TMPRSS12: variants seen among roughly 807,000 people sequenced by gnomAD.
TMPRSS12 encodes transmembrane protease serine 12.
In TMPRSS12, 25 loss-of-function variants were observed where a neutral mutation model predicts 26.0. The ratio of observed to expected loss-of-function variants is 0.96; its 90% CI spans 0.70 to 1.34. The LOEUF is 1.34. Among genes scored for constraint, TMPRSS12 ranks in the 40% most tolerant of loss-of-function variants. The pLI is 0.00. For synonymous variants in TMPRSS12, 150 were observed against 161.7 expected (o/e 0.93, Z 0.55); for missense variants, 441 against 440.1 (o/e 1.00, Z -0.02).
intron 2 of TMPRSS12, among the ~76,000 whole-genome samples, chr12:50,853,902 A>G (rs1206668123): frequency 6.6e-6 from 1 of 152,128 alleles, no homozygotes; most frequent in Non-Finnish European, 1.5e-5. Flanking sequence ...CAGGTGTATA[A>G]AAGAGGTGGT....
At chr12:50,846,145 T>G (rs1937764514) in intron 2 of TMPRSS12, among the ~76,000 whole-genome samples, 1 of 152,228 alleles carries the variant, frequency 6.6e-6, no homozygotes, top group African/African-American at 2.4e-5. Flanking sequence ...TTTGATGAAG[T>G]CAAATTTATC....
intron 3 of TMPRSS12, 50 bp downstream of exon 3, chr12:50,859,103 G>A (rs1254455747): frequency 1.4e-6 from 2 of 1,479,704 alleles, no homozygotes; most frequent in Admixed American, 2.7e-5. Flanking sequence ...ATTATGGGCA[G>A]AGGAAGGTCA....
intron 3 of TMPRSS12, among the ~76,000 whole-genome samples, chr12:50,871,927 T>TTA (rs1555206360): frequency 6.8e-6 from 1 of 146,856 alleles, no homozygotes; most frequent in African/African-American, 2.5e-5. Context: ...ATCAAAAAAT[T>TTA]AAAAAAAAAA....
chr12:50,869,539 G>A (rs1262985281), intron 3 of TMPRSS12, among the ~76,000 whole-genome samples: 1 of 152,150 alleles, frequency 6.6e-6, no homozygotes, highest in Non-Finnish European at 1.5e-5. Flanking sequence ...TCCAGGATCA[G>A]ATGGATTCAT....
chr12:50,856,097 C>A (rs544820785), intron 2 of TMPRSS12, among the ~76,000 whole-genome samples: 1 of 152,312 alleles, frequency 6.6e-6, no homozygotes, highest in African/African-American at 2.4e-5. Context: ...CTATTGGGTA[C>A]TATGCTCATT....
chr12:50,878,034 A>G (rs895423310), intron 3 of TMPRSS12, among the ~76,000 whole-genome samples: 3 of 152,158 alleles, frequency 2.0e-5, no homozygotes, highest in African/African-American at 7.2e-5. Context: ...CTAAATGGAG[A>G]CTCATACTGC....
chr12:50,865,054 G>A (rs956012433), intron 3 of TMPRSS12, among the ~76,000 whole-genome samples: 4 of 152,282 alleles, frequency 2.6e-5, no homozygotes, highest in African/African-American at 9.6e-5. Flanking sequence ...TGGATAGGCT[G>A]GGTGCGGTGG....
At chr12:50,864,128 C>T (rs899933637) in intron 3 of TMPRSS12, among the ~76,000 whole-genome samples, 2 of 152,104 alleles carry the variant, frequency 1.3e-5, no homozygotes, top group African/African-American at 4.8e-5. Context: ...ACTATAAATA[C>T]CACTCACACG....
At chr12:50,876,376 C>T (rs1390887585) in intron 3 of TMPRSS12, among the ~76,000 whole-genome samples, 1 of 152,152 alleles carries the variant, frequency 6.6e-6, no homozygotes, top group African/African-American at 2.4e-5. Flanking sequence ...ACCGCTGCAC[C>T]CAGCAATCCT....
chr12:50,858,877 T>C lies in TMPRSS12; in HGVS notation c.476T>C (p.Ile159Thr). 1 of 1,596,936 alleles carries C rather than the reference T, an allele frequency of 6.3e-7. No homozygotes were observed. Among genetic ancestry groups the C allele is most frequent in the Non-Finnish European group, 8.5e-7 (1 of 1,170,590 alleles). The change falls in exon 3 of 5, where the codon ATT (isoleucine) becomes ACT (threonine). Residue 159 changes from isoleucine (I) to threonine (T), a missense_variant. Ile to Thr is a moderately conservative substitution (Grantham distance 89). Transcript: ENST00000398458. ...AAGATAAAAATTAAAGCAATCATTA[T>C]TCATCCAAACTTCATTTTGGAATCT... ...TKKIKIKAII[I>T]HPNFILESYV...
At chr12:50,884,759 C>T (rs1938206512) in intron 3 of TMPRSS12, among the ~76,000 whole-genome samples, 1 of 151,920 alleles carries the variant, frequency 6.6e-6, no homozygotes, top group Non-Finnish European at 1.5e-5. Context: ...GTAATCCCAG[C>T]TACTCAGGAG....
intron 3 of TMPRSS12, among the ~76,000 whole-genome samples, chr12:50,863,422 A>G (rs1036219614): frequency 2.0e-5 from 3 of 152,216 alleles, no homozygotes. Context: ...TTGTACCCCT[A>G]GATATTTATC....
intron 3 of TMPRSS12, among the ~76,000 whole-genome samples, chr12:50,862,104 C>T (rs149094557): frequency 7.6e-4 from 115 of 152,212 alleles, no homozygotes; most frequent in African/African-American, 2.6e-3. Context: ...CAGGTGCACC[C>T]GGCCTAATAT....
At chr12:50,873,391 C>G (rs1267194742) in intron 3 of TMPRSS12, among the ~76,000 whole-genome samples, 1 of 151,932 alleles carries the variant, frequency 6.6e-6, no homozygotes, top group Non-Finnish European at 1.5e-5. Flanking sequence ...CTTCAAAATG[C>G]TGAGAGAAAG....
rs869152225 is a variant in TMPRSS12, at chr12:50,880,966, CTTTTTTTTTTTTTTT to C, written c.653-4261_653-4247del. Among the ~76,000 whole-genome samples, 22 of 61,798 alleles carry C rather than the reference CTTTTTTTTTTTTTTT, an allele frequency of 3.6e-4. 1 individual carries two copies. Among genetic ancestry groups the C allele is most frequent in the South Asian group, 1.8e-3 (2 of 1,104 alleles). The allele number at this position is 61,798 out of a possible 152,430, so 40.5% of individuals were successfully genotyped here. ...CTATAGAGACAGGAATCAGTAATTTCTTTTTTTTTTTTTTTTTTTTTTTTTTTTTTTTTGAGACAG... is the reference window on the plus strand; with the variant it reads ...CTATAGAGACAGGAATCAGTAATTTCTTTTTTTTTTTTTTTTTTGAGACAG... On this transcript the variant is annotated intron_variant, in intron 3 of 4. Coordinates refer to ENST00000398458, the MANE Select transcript of TMPRSS12 (RefSeq NM_182559.3).
chr12:50,851,372 C>G (rs563398672), intron 2 of TMPRSS12, among the ~76,000 whole-genome samples: 1 of 152,022 alleles, frequency 6.6e-6, no homozygotes, highest in Non-Finnish European at 1.5e-5. Flanking sequence ...CCAAACTGAT[C>G]TATAGAGTTA....
chr12:50,852,701 A>C (rs922989846), intron 2 of TMPRSS12, among the ~76,000 whole-genome samples: 4 of 152,212 alleles, frequency 2.6e-5, no homozygotes, highest in Non-Finnish European at 5.9e-5. Context: ...CACCACACCC[A>C]GTCTGACAAA....
In TMPRSS12 at chr12:50,887,395, A is replaced by C. The variant is rs754885729; in HGVS notation, c.929A>C (p.Gln310Pro). 1.2e-6 allele frequency: 2 copies of C among 1,613,844 alleles called. No individual in the cohort carries two copies. Among genetic ancestry groups the C allele is most frequent in the East Asian group, 2.2e-5 (1 of 44,892 alleles). The change falls in exon 5 of 5, where the codon CAA becomes CCA. Residue 310 changes from glutamine (Q) to proline (P), a missense_variant. Coordinates refer to ENST00000398458, the MANE Select transcript of TMPRSS12 (RefSeq NM_182559.3). ...GTCTATATTGGGCCATCCTTCTACC[A>C]AAAGTGGCTGACAGAGCATTTCTTC... is the stretch of plus-strand genomic sequence containing the variant. ...PGVYIGPSFY[Q>P]KWLTEHFFHA...
In TMPRSS12 at chr12:50,885,372, C is replaced by A. The variant is rs865827502; in HGVS notation, c.779C>A (p.Ala260Asp). Reference sequence around the variant, plus strand: ...TTTTGTGCAGGTGATGAAGATGGAGCTTTTGATACTTGCAGGGTAAGACCA... The same window carrying A: ...TTTTGTGCAGGTGATGAAGATGGAGATTTTGATACTTGCAGGGTAAGACCA... ...TSFCAGDEDG[A>D]FDTCRGDSGG... The change falls in exon 4 of 5, where the codon GCT becomes GAT. Residue 260 changes from alanine to aspartate, a missense_variant. Coordinates refer to ENST00000398458, the MANE Select transcript of TMPRSS12 (RefSeq NM_182559.3). 13 of 1,613,650 alleles carry A rather than the reference C, an allele frequency of 8.1e-6. No homozygotes were observed. The African/African-American group carries it at 1.5e-4, about 18-fold the overall frequency.
Sources: gnomAD v4.1 joint callset for allele counts (sites outside exome capture counted in the v4.1 genomes callset) on GRCh38, gnomAD v4.1.1 for gene constraint, MANE v1.5 for transcripts, NCBI Gene and HGNC (gene_info 2026-07-23, HGNC 2026-07-21) for gene names.